Variants in SCN1A observed in about 807,000 individuals in gnomAD.
The protein encoded by SCN1A is sodium voltage-gated channel alpha subunit 1.
In SCN1A, 13 loss-of-function variants were observed where a neutral mutation model predicts 193.7. That is an observed-to-expected ratio of 0.07 (90% CI 0.04 to 0.11). The LOEUF is 0.11. Ranked by LOEUF, SCN1A falls within the 10% of genes least tolerant of loss-of-function variation. The pLI, the probability that SCN1A is intolerant of heterozygous loss-of-function variation, is 1.00. For synonymous variants in SCN1A, 781 were observed against 843.6 expected (o/e 0.93, Z 1.29); for missense variants, 1,432 against 2,451.1 (o/e 0.58, Z 8.78).
intron 19 of SCN1A, among the ~76,000 whole-genome samples, chr2:166,032,398 C>A (rs575468330): frequency 1.3e-5 from 2 of 152,140 alleles, no homozygotes; most frequent in Non-Finnish European, 2.9e-5. Context: ...AGGCAGCATT[C>A]CTAATGTAGA....
chr2:166,088,313 A>G (rs1357818446), intron 2 of SCN1A, among the ~76,000 whole-genome samples: 1 of 152,058 alleles, frequency 6.6e-6, no homozygotes, highest in African/African-American at 2.4e-5. Context: ...ATAAAGTTCA[A>G]TGCATGTCCT....
intron 4 of SCN1A, among the ~76,000 whole-genome samples, chr2:166,066,442 T>C (rs1032407867): frequency 6.6e-6 from 1 of 152,158 alleles, no homozygotes; most frequent in Non-Finnish European, 1.5e-5. Flanking sequence ...AATCTTAGGA[T>C]TATTTTGAGG....
chr2:166,105,180 CT>C (rs1385741640), intron 2 of SCN1A, among the ~76,000 whole-genome samples: 7 of 152,154 alleles, frequency 4.6e-5, no homozygotes, highest in African/African-American at 1.7e-4. Flanking sequence ...AATATTTTCA[CT>C]TTTAAAAGGT....
chr2:166,016,793 C>T (rs796714429), intron 19 of SCN1A: 4 of 151,784 alleles, frequency 2.6e-5, no homozygotes, highest in African/African-American at 9.7e-5. Flanking sequence ...TTCTAAACTT[C>T]AGGCTTATGT....
At chr2:166,132,837 C>T (rs900155643), upstream of SCN1A, among the ~76,000 whole-genome samples, 10 of 152,018 alleles carry the variant, frequency 6.6e-5, no homozygotes, top group Admixed American at 2.6e-4. Context: ...CTCCCCTCCC[C>T]GCAACTGGAA....
At chr2:166,051,476 G>A (rs759302812) in intron 9 of SCN1A, among the ~76,000 whole-genome samples, 8 of 152,030 alleles carry the variant, frequency 5.3e-5, no homozygotes, top group South Asian at 2.1e-4. Flanking sequence ...ATACATGATA[G>A]TAATTCTTTT....
Position 165,992,495 on chromosome 2 carries a change from G to C in SCN1A, c.4853-73C>G. On this transcript the variant is annotated intron_variant, in intron 28 of 28. Transcript: ENST00000674923. The surrounding 1 kb of genome is among the most constrained non-coding windows in gnomAD (Gnocchi z 6.5). ...AAAATAAACATATGTTTCTTCTAAA[G>C]CTCCAAGGTAAGGTTCAGAGTCCTG... The C allele has an allele frequency of 6.4e-7, 1 of 1,568,146 alleles. No homozygotes were observed. The highest frequency in any genetic ancestry group is 8.8e-7 in the Non-Finnish European group (1 of 1,141,428).
chr2:166,078,361 T>A (rs749502811), intron 2 of SCN1A, among the ~76,000 whole-genome samples: 15 of 151,604 alleles, frequency 9.9e-5, no homozygotes, highest in Middle Eastern at 3.4e-3. Flanking sequence ...AGGGAAAAAA[T>A]TAATTTTTTT....
At chr2:166,067,025 A>G (rs2105952396) in intron 4 of SCN1A, among the ~76,000 whole-genome samples, 1 of 152,130 alleles carries the variant, frequency 6.6e-6, no homozygotes, top group East Asian at 1.9e-4. Context: ...TCCTTGGAAG[A>G]TTCTCCTCTC....
intron 1 of SCN1A, among the ~76,000 whole-genome samples, chr2:166,137,834 G>A (rs1314248977): frequency 6.6e-6 from 1 of 152,130 alleles, no homozygotes; most frequent in East Asian, 1.9e-4. Context: ...GAAGAAGAAA[G>A]GAAAATGTGG....
chr2:166,012,774 T>A (rs575200680), intron 21 of SCN1A, among the ~76,000 whole-genome samples: 129 of 148,958 alleles, frequency 8.7e-4, no homozygotes, highest in Non-Finnish European at 9.5e-4. Flanking sequence ...GTTATTTTTT[T>A]AATAATTTAT....
intron 2 of SCN1A, among the ~76,000 whole-genome samples, chr2:166,102,869 T>A (rs986431074): frequency 6.6e-6 from 1 of 152,136 alleles, no homozygotes; most frequent in Non-Finnish European, 1.5e-5. Flanking sequence ...TACACAGCCA[T>A]AAATAAGAAC....
rs1285102267 is a variant in SCN1A, at chr2:166,051,950, T to C, written c.733A>G (p.Lys245Glu). Reference protein sequence around the residue: ...TIVGALIQSVKKLSDVMILTV... With the variant: ...TIVGALIQSVEKLSDVMILTV... ...AGGATCATTACATCTGAGAGCTTCT[T>C]CACAGACTGGATCAGGGCTCCCACA... The change falls in exon 9 of 29, where the codon AAG becomes GAG. Residue 245 changes from lysine to glutamate, a missense_variant. Physicochemically the swap from Lys to Glu is moderately conservative, Grantham distance 56. Coordinates refer to ENST00000674923, the MANE Select transcript of SCN1A (RefSeq NM_001165963.4). 1 of 1,612,092 alleles carries C rather than the reference T, an allele frequency of 6.2e-7. No individual in the cohort carries two copies. Among genetic ancestry groups the C allele is most frequent in the African/African-American group, 1.3e-5 (1 of 74,780 alleles).
intron 2 of SCN1A, among the ~76,000 whole-genome samples, chr2:166,115,762 G>A (rs763832016): frequency 8.5e-5 from 13 of 152,116 alleles, no homozygotes; most frequent in Admixed American, 6.5e-4. Flanking sequence ...CACCGAAAAC[G>A]GAAGTAGGCA....
intron 6 of SCN1A, 123 bp from the exon 7 acceptor site, chr2:166,054,889 T>C (rs932813721): frequency 4.6e-6 from 4 of 863,164 alleles, no homozygotes; most frequent in African/African-American, 3.4e-5. Flanking sequence ...AGATGGATTT[T>C]AATTTCATAC....
At chr2:166,147,268 A>G (rs1481426295) in intron 1 of SCN1A, among the ~76,000 whole-genome samples, 1 of 152,168 alleles carries the variant, frequency 6.6e-6, no homozygotes, top group Non-Finnish European at 1.5e-5. Flanking sequence ...ATATAATCTC[A>G]CCAAAAAATG....
At chr2:166,078,671 T>C (rs1449951033) in intron 2 of SCN1A, among the ~76,000 whole-genome samples, 4 of 151,778 alleles carry the variant, frequency 2.6e-5, no homozygotes, top group Non-Finnish European at 4.4e-5. Context: ...AGTTATATCC[T>C]ATTATTAGAT....
chr2:166,025,633 C>T lies in SCN1A; in HGVS notation c.3430-9906G>A, dbSNP rs187126446. Among the ~76,000 whole-genome samples, 26 of 152,276 alleles carry T rather than the reference C, an allele frequency of 1.7e-4. No individual in the cohort carries two copies. In the East Asian group the frequency reaches 4.2e-3, roughly 25 times the overall value. ...ATACAAGGGCAAGTGTCATTGAGAT[C>T]ATCTTAGAATTCTGCCTGATACACC... On this transcript the variant is annotated intron_variant, in intron 19 of 28. Coordinates refer to ENST00000674923, the MANE Select transcript of SCN1A (RefSeq NM_001165963.4).
intron 2 of SCN1A, among the ~76,000 whole-genome samples, chr2:166,124,413 G>A (rs1367138940): frequency 6.6e-6 from 1 of 151,996 alleles, no homozygotes; most frequent in Non-Finnish European, 1.5e-5. Context: ...CAGGCATGGT[G>A]ACACTCGCCT....
Sources: allele counts gnomAD v4.1 joint callset (sites outside exome capture counted in the v4.1 genomes callset), GRCh38; gene constraint gnomAD v4.1.1; non-coding constraint Gnocchi (gnomAD v3.1); transcripts MANE v1.5; gene names NCBI Gene and HGNC (gene_info 2026-07-23, HGNC 2026-07-21).